The following UBR4 variants were observed in gnomAD, a reference collection of about 807,000 sequenced individuals.
The protein encoded by UBR4 is E3 ubiquitin-protein ligase UBR4.
UBR4 carries 124 observed loss-of-function variants against 575.6 expected under a neutral mutation model. The ratio of observed to expected loss-of-function variants is 0.22; its 90% confidence interval spans 0.19 to 0.25. UBR4 has a LOEUF of 0.25. UBR4 is among the 10% of genes least tolerant of loss of function. The pLI is 1.00. For synonymous variants in UBR4, 2,455 were observed against 2,473.7 expected (o/e 0.99, Z 0.22); for missense variants, 4,818 against 6,478.8 (o/e 0.74, Z 8.80).
Position 19,153,721 on chromosome 1 carries a change from A to G in UBR4, c.6630+47T>C. Reference sequence around the variant, plus strand: ...GAAATGAATATACAAACATAAAAAGAGACCAGGTTCACAGCAAAGTAATGA... The same window carrying G: ...GAAATGAATATACAAACATAAAAAGGGACCAGGTTCACAGCAAAGTAATGA... On this transcript the variant is annotated intron_variant, in intron 45 of 105. Transcript: ENST00000375254. This position sits in a 1 kb window ranked among gnomAD's most constrained non-coding sequence, Gnocchi z 4.1. 1 of 1,579,516 alleles carries G rather than the reference A, an allele frequency of 6.3e-7. No individual in the cohort carries two copies. Among genetic ancestry groups the G allele is most frequent in the Non-Finnish European group, 8.6e-7 (1 of 1,165,054 alleles).
In UBR4 at chr1:19,114,807, T is replaced by TCACC. The variant is rs757372882; in HGVS notation, c.11202_11202+3dup. 12 of 1,613,968 alleles carry TCACC rather than the reference T, an allele frequency of 7.4e-6. No individual in the cohort carries two copies. The highest frequency in any genetic ancestry group is 1.0e-5 in the Non-Finnish European group (12 of 1,180,022). ...CCCTGAGTCTAGGCCAGATCTGGCC[T>TCACC]CACCTTCTTCCGGTCTTCTTCATTC... On this transcript the variant is annotated splice_donor_region_variant and intron_variant, in intron 75 of 105. Coordinates refer to ENST00000375254, the MANE Select transcript of UBR4 (RefSeq NM_020765.3).
chr1:19,118,597 AT>A (rs1187295632), intron 71 of UBR4: 191 of 356,474 alleles, frequency 5.4e-4, no homozygotes, highest in Middle Eastern at 3.1e-3. Context: ...ACTTTTTTAA[AT>A]TTTTTTTTAA....
rs1345985210 is a variant in UBR4, at chr1:19,151,927, T to G, written c.6997-68A>C. ...TTAAGTTTTAACTAGGACTCCTTCTTCTCTGACATTGTCTCAACATGTGAA... is the reference window on the plus strand; with the variant it reads ...TTAAGTTTTAACTAGGACTCCTTCTGCTCTGACATTGTCTCAACATGTGAA... On this transcript the variant is annotated intron_variant, in intron 47 of 105. Coordinates refer to ENST00000375254, the MANE Select transcript of UBR4 (RefSeq NM_020765.3). The G allele has an allele frequency of 5.2e-6, 7 of 1,349,154 alleles. No individual in the cohort carries two copies. In the Admixed American group the frequency reaches 1.6e-4, roughly 30 times the overall value. The allele number at this position is 1,349,154 out of a possible 1,614,324, so 83.6% of individuals were successfully genotyped here.
chr1:19,101,843 A>G (rs757768224), intron 87 of UBR4, among the ~76,000 whole-genome samples: 4 of 152,220 alleles, frequency 2.6e-5, no homozygotes, highest in African/African-American at 9.6e-5. Context: ...TTTGAAACCC[A>G]TAACACCCAA....
chr1:19,128,315 T>C lies in UBR4; in HGVS notation c.9007A>G (p.Ile3003Val). The C allele has an allele frequency of 6.2e-7, 1 of 1,613,770 alleles. No individual in the cohort carries two copies. Among genetic ancestry groups the C allele is most frequent in the East Asian group, 2.2e-5 (1 of 44,878 alleles). The change falls in exon 62 of 106, where the codon ATT (isoleucine) becomes GTT (valine). Residue 3003 changes from isoleucine (I) to valine (V), a missense_variant. Around this residue, in one of 29 missense-constraint regions of UBR4, gnomAD observed 87 missense variants for 82.8 expected, o/e 1.05. Coordinates refer to ENST00000375254, the MANE Select transcript of UBR4 (RefSeq NM_020765.3). ...GVRAIPYMQV[I>V]LMLTTDLDGE... is the part of the protein sequence containing the mutation. Reference sequence around the variant, plus strand: ...TCCAGATCTGTAGTGAGCATTAGAATGACCTAGAAGTCAAAGACAGAAAAC... The same window carrying C: ...TCCAGATCTGTAGTGAGCATTAGAACGACCTAGAAGTCAAAGACAGAAAAC...
chr1:19,105,241 C>T (rs749748005), intron 84 of UBR4, 52 bp from the exon 85 acceptor site: 2 of 1,579,492 alleles, frequency 1.3e-6, no homozygotes, highest in Admixed American at 1.9e-5. Flanking sequence ...GCATTTCGAA[C>T]AGCTCCAAGG....
intron 21 of UBR4, 23 bp downstream of exon 21, chr1:19,174,931 T>C (rs750955386): frequency 3.7e-6 from 6 of 1,604,858 alleles, no homozygotes; most frequent in Non-Finnish European, 5.1e-6. Flanking sequence ...ACATATAAAA[T>C]GCAGTTTTAA....
chr1:19,173,453 C>T lies in UBR4; in HGVS notation c.3151G>A (p.Val1051Ile). The T allele has an allele frequency of 6.2e-7, 1 of 1,614,100 alleles. No homozygotes were observed. The highest frequency in any genetic ancestry group is 8.5e-7 in the Non-Finnish European group (1 of 1,179,994). ...WSSRLRISSY[V>I]NWIKDHLIKQ... is the part of the protein sequence containing the mutation. ...CTCTGTGTTACCTTTATCCAGTTGA[C>T]ATAGGAGCTGATCCGGAGCCGAGAA... Residue 1051 changes from valine (V) to isoleucine (I), a missense_variant, in exon 23 of 106, where the codon GTC (valine) becomes ATC (isoleucine). Around this residue, in one of 29 missense-constraint regions of UBR4, gnomAD observed 1,172 missense variants for 1,259.7 expected, o/e 0.93. Transcript: ENST00000375254.
rs752586759 is a variant in UBR4 at position 19,153,256 on chromosome 1, C to A, written c.6832+45G>T. ...CTATTCTGAGTCACTGTCTAGAAGA[C>A]CACCATTCCTACTCCCCCACAAGTC... On this transcript the variant is annotated intron_variant, in intron 46 of 105. Transcript: ENST00000375254. The surrounding 1 kb of genome is among the most constrained non-coding windows in gnomAD (Gnocchi z 4.1). The A allele has an allele frequency of 6.3e-7, 1 of 1,595,750 alleles. No individual in the cohort carries two copies. The highest frequency in any genetic ancestry group is 1.3e-5 in the African/African-American group (1 of 74,556).
At chr1:19,167,317 C>CGGGGAAGA (rs2088668129) in intron 28 of UBR4, 86 bp from the exon 29 acceptor site, 6 of 1,464,540 alleles carry the variant, frequency 4.1e-6, no homozygotes, top group Non-Finnish European at 5.7e-6. Flanking sequence ...AATTACTTGC[C>CGGGGAAGA]GGGGAAGAGG....
At chr1:19,191,269 A>T (rs2092055628) in intron 11 of UBR4, among the ~76,000 whole-genome samples, 1 of 152,170 alleles carries the variant, frequency 6.6e-6, no homozygotes, top group South Asian at 2.1e-4. Context: ...CAAGAGTTCG[A>T]GACCCTGCCT....
At position 19,128,975 on chromosome 1, in the gene UBR4, T is replaced by C; in HGVS notation, c.9003+3A>G. The stretch of plus-strand genomic sequence containing the variant: ...ACAGAGATCCAGGTGAGCTAAGAGA[T>C]ACCTGCATGTATGGGATGGCCCGGA... On this transcript the variant is annotated splice_donor_region_variant and intron_variant, in intron 61 of 105. Coordinates refer to ENST00000375254, the MANE Select transcript of UBR4 (RefSeq NM_020765.3). 1 of 1,613,670 alleles carries C rather than the reference T, an allele frequency of 6.2e-7. No homozygotes were observed. Among genetic ancestry groups the C allele is most frequent in the Non-Finnish European group, 8.5e-7 (1 of 1,179,592 alleles).
Position 19,132,605 on chromosome 1 carries a change from TAAAA to T in UBR4, c.8907-3535_8907-3532del. ...ACAACAAAAAAAAAGTAAAAAATGG[TAAAA>T]AAAAAAAAAAAAAAAAGTAAGTAAA... On this transcript the variant is annotated intron_variant, in intron 60 of 105. Coordinates refer to ENST00000375254, the MANE Select transcript of UBR4 (RefSeq NM_020765.3). 3.4e-3 allele frequency among the ~76,000 whole-genome samples: 81 copies of T among 24,096 alleles called. 2 individuals are homozygous for T. Among genetic ancestry groups the T allele is most frequent in the African/African-American group, 0.017 (74 of 4,408 alleles). 15.8% of individuals were successfully genotyped at this position (24,096 alleles called of 152,430 possible). A position where few individuals can be genotyped will look rare whatever the true frequency, so the allele number is the denominator to read the frequency against.
chr1:19,193,634 C>T (rs1330128994), intron 8 of UBR4, 77 bp from the exon 9 acceptor site: 16 of 1,509,856 alleles, frequency 1.1e-5, no homozygotes, highest in Non-Finnish European at 1.4e-5. Context: ...AAAAGCACAC[C>T]CCACCCACAA....
In UBR4 at chr1:19,096,532, G is replaced by C; in HGVS notation, c.13509C>G (p.His4503Gln). 6.2e-7 allele frequency: 1 copy of C among 1,612,892 alleles called. No individual in the cohort carries two copies. The change falls in exon 92 of 106, where the codon CAC becomes CAG. Residue 4503 changes from histidine (H) to glutamine (Q), a missense_variant. By Grantham distance (24) the His-to-Gln change is conservative. Coordinates refer to ENST00000375254, the MANE Select transcript of UBR4 (RefSeq NM_020765.3). ...GCTGCCCCCAACTCACTGTTAGAAG[G>C]TGGCGTCCCTGCTTGAAATCTCTGA... ...AGIRDFKQGR[H>Q]LLTVLLKLFS...
chr1:19,143,808 T>A (rs549356623), intron 55 of UBR4, among the ~76,000 whole-genome samples, 172 bp downstream of exon 55: 2 of 152,278 alleles, frequency 1.3e-5, no homozygotes, highest in Admixed American at 6.5e-5. Flanking sequence ...CTATATACAT[T>A]TTGATGTGCC....
At chr1:19,145,651 G>A (rs573048545) in intron 53 of UBR4, 142 bp downstream of exon 53, 9 of 1,075,698 alleles carry the variant, frequency 8.4e-6, no homozygotes, top group East Asian at 5.1e-5. Context: ...CATTTATCTC[G>A]CAGACTTCTA....
chr1:19,148,691 G>C, intron 49 of UBR4, 65 bp from the exon 50 acceptor site: 1 of 1,576,364 alleles, frequency 6.3e-7, no homozygotes, highest in Non-Finnish European at 8.7e-7. Flanking sequence ...TTTAGCCTAA[G>C]CAAACTATAG....
At chr1:19,095,133 T>C (rs1351934942) in intron 93 of UBR4, 108 bp from the exon 94 acceptor site, 10 of 1,516,608 alleles carry the variant, frequency 6.6e-6, no homozygotes, top group Non-Finnish European at 9.1e-6. Flanking sequence ...CCAGAGACCA[T>C]GTGTGTATGA....
Sources: gnomAD v4.1 joint callset for allele counts (sites outside exome capture counted in the v4.1 genomes callset) on GRCh38, gnomAD v4.1.1 for gene constraint, gnomAD v4.1.1 regional missense constraint, Gnocchi (gnomAD v3.1) non-coding constraint, MANE v1.5 for transcripts, NCBI Gene and HGNC (gene_info 2026-07-23, HGNC 2026-07-21) for gene names.